Variants in SMCO3 observed in about 807,000 individuals in gnomAD.
The protein encoded by SMCO3 is single-pass membrane and coiled-coil domain-containing protein 3.
A neutral mutation model predicts 12.0 loss-of-function variants in SMCO3; 6 were observed. That is an observed-to-expected ratio of 0.50 (90% CI 0.27 to 0.99). The LOEUF is 0.99. SMCO3 is among the 50% of genes least tolerant of loss of function. The pLI is 0.11. For missense variants in SMCO3, 279 were observed against 265.0 expected (o/e 1.05, Z -0.37); for synonymous variants, 96 against 96.4 (o/e 1.00, Z 0.02).
Position 14,805,782 on chromosome 12 carries a change from A to AT in SMCO3, c.*220dup, listed in dbSNP as rs1302743733. The AT allele has an allele frequency of 5.7e-6, 3 of 525,490 alleles. No homozygotes were observed. Among genetic ancestry groups the AT allele is most frequent in the South Asian group, 6.1e-5 (2 of 32,842 alleles). The allele number at this position is 525,490 out of a possible 1,614,324, so 32.6% of individuals were successfully genotyped here. On this transcript the variant is annotated 3_prime_UTR_variant, in exon 2 of 2. Coordinates refer to ENST00000316048, the MANE Select transcript of SMCO3 (RefSeq NM_001013698.2). ...GGGTGTGAAAACATCCAGGGAGAAA[A>AT]TTTTTTTACCTCACAGGGTCTAGCA...
chr12:14,813,183 G>A (rs1950166802), intron 1 of SMCO3, among the ~76,000 whole-genome samples: 3 of 152,192 alleles, frequency 2.0e-5, no homozygotes, highest in African/African-American at 7.2e-5. Flanking sequence ...AAATAAAAAA[G>A]AAAGAAAAAG....
At chr12:14,807,769 A>T (rs1439421608) in intron 1 of SMCO3, among the ~76,000 whole-genome samples, 3 of 152,214 alleles carry the variant, frequency 2.0e-5, no homozygotes, top group Non-Finnish European at 2.9e-5. Flanking sequence ...TGCAAAGCTT[A>T]TAAATTAAAT....
At position 14,806,409 on chromosome 12, in the gene SMCO3, A is replaced by G. The variant is rs1950050737; in HGVS notation, c.272T>C (p.Leu91Pro). 1.9e-6 allele frequency: 3 copies of G among 1,614,046 alleles called. No homozygotes were observed. Among genetic ancestry groups the G allele is most frequent in the Admixed American group, 1.7e-5 (1 of 60,004 alleles). ...QKVDEALKDK[L>P]EPTLYRKLQD... ...AAGTTTTCTATAGAGGGTTGGCTCT[A>G]GCTTATCTTTTAGTGCTTCATCAAC... is the stretch of plus-strand genomic sequence containing the variant. The change falls in exon 2 of 2, where the codon CTA becomes CCA. Residue 91 changes from leucine to proline, a missense_variant. Transcript: ENST00000316048.
At chr12:14,806,849 A>G (rs551537590) in intron 1 of SMCO3, among the ~76,000 whole-genome samples, 153 bp from the exon 2 acceptor site, 1 of 152,276 alleles carries the variant, frequency 6.6e-6, no homozygotes, top group South Asian at 2.1e-4. Flanking sequence ...AGTTTTTTTA[A>G]AAGAGGGAGT....
At chr12:14,806,760 G>T in intron 1 of SMCO3, 64 bp from the exon 2 acceptor site, 1 of 1,395,840 alleles carries the variant, frequency 7.2e-7, no homozygotes, top group South Asian at 1.4e-5. Context: ...CTGTGTAGAA[G>T]GGACTAGGAA....
chr12:14,811,427 T>G (rs1950134917), intron 1 of SMCO3, among the ~76,000 whole-genome samples: 1 of 152,162 alleles, frequency 6.6e-6, no homozygotes, highest in Non-Finnish European at 1.5e-5. Context: ...AGAGTTCTGT[T>G]GCTAAAACAA....
In SMCO3 at chr12:14,806,023, C is replaced by T. The variant is rs749737279; in HGVS notation, c.658G>A (p.Val220Met). The T allele has an allele frequency of 6.2e-7, 1 of 1,610,204 alleles. No homozygotes were observed. Among genetic ancestry groups the T allele is most frequent in the Admixed American group, 1.7e-5 (1 of 59,416 alleles). ...NHAITEVINT[V>M]KHQMK Reference sequence around the variant, plus strand: ...GCTGTTCATTTCATTTGGTGTTTCACTGTATTGATGACCTCAGTAATGGCA... The same window carrying T: ...GCTGTTCATTTCATTTGGTGTTTCATTGTATTGATGACCTCAGTAATGGCA... The change falls in exon 2 of 2, where the codon GTG (valine) becomes ATG (methionine). Residue 220 changes from valine (V) to methionine (M), a missense_variant. Val to Met is a conservative substitution (Grantham distance 21). Transcript: ENST00000316048.
chr12:14,808,857 T>C (rs1383650042), intron 1 of SMCO3, among the ~76,000 whole-genome samples: 1 of 152,212 alleles, frequency 6.6e-6, no homozygotes, highest in Non-Finnish European at 1.5e-5. Flanking sequence ...AATTTCCTAA[T>C]CCAATTCCCT....
At position 14,805,890 on chromosome 12, in the gene SMCO3, A is replaced by G. The variant is rs1255731797; in HGVS notation, c.*113T>C. The G allele has an allele frequency of 9.1e-7, 1 of 1,095,774 alleles. No individual in the cohort carries two copies. The highest frequency in any genetic ancestry group is 1.3e-6 in the Non-Finnish European group (1 of 763,604). The allele number at this position is 1,095,774 out of a possible 1,614,324, so 67.9% of individuals were successfully genotyped here. ...TCCAGTTTCCCTCTCCAAATTGTTTATCTTATTTAAGTCCATATTGGAAGC... is the reference window on the plus strand; with the variant it reads ...TCCAGTTTCCCTCTCCAAATTGTTTGTCTTATTTAAGTCCATATTGGAAGC... On this transcript the variant is annotated 3_prime_UTR_variant, in exon 2 of 2. Transcript: ENST00000316048.
At chr12:14,806,790 G>A in intron 1 of SMCO3, 94 bp from the exon 2 acceptor site, 1 of 1,110,934 alleles carries the variant, frequency 9.0e-7, no homozygotes, top group East Asian at 2.4e-5. Flanking sequence ...TTCATGCATA[G>A]CAAAGAAGCA....
At chr12:14,810,801 A>G (rs1950124336) in intron 1 of SMCO3, among the ~76,000 whole-genome samples, 1 of 152,188 alleles carries the variant, frequency 6.6e-6, no homozygotes, top group Non-Finnish European at 1.5e-5. Flanking sequence ...GGCAGTGTGC[A>G]GTATTTTCGC....
intron 1 of SMCO3, among the ~76,000 whole-genome samples, chr12:14,809,828 T>C (rs1331605030): frequency 6.6e-6 from 1 of 152,134 alleles, no homozygotes; most frequent in African/African-American, 2.4e-5. Context: ...CAAAAAGCAG[T>C]GACAATCTAA....
chr12:14,807,970 A>G (rs1361847720), intron 1 of SMCO3, among the ~76,000 whole-genome samples: 1 of 152,156 alleles, frequency 6.6e-6, no homozygotes, highest in Non-Finnish European at 1.5e-5. Context: ...GTTCAAGACC[A>G]GCCTGGCCAA....
intron 1 of SMCO3, among the ~76,000 whole-genome samples, chr12:14,813,863 T>C (rs1950178376): frequency 6.6e-6 from 1 of 152,202 alleles, no homozygotes; most frequent in Admixed American, 6.5e-5. Context: ...TTGATGTCTT[T>C]ACTGCTTCTC....
chr12:14,813,310 C>T (rs80298634), intron 1 of SMCO3, among the ~76,000 whole-genome samples: 2,490 of 152,302 alleles, frequency 0.016, 67 homozygotes, highest in African/African-American at 0.056. Context: ...CCATCATGCA[C>T]AGTTTCCTTA....
Position 14,806,212 on chromosome 12 carries a change from C to T in SMCO3, c.469G>A (p.Ala157Thr), listed in dbSNP as rs1336686069. ...KLVTVLAQIG[A>T]SLLGSIGVAV... is the part of the protein sequence containing the mutation. ...ACTCCAATACTACCAAGGAGAGAAG[C>T]ACCAATTTGAGCTAACACAGTGACC... The change falls in exon 2 of 2, where the codon GCT becomes ACT. Residue 157 changes from alanine to threonine, a missense_variant. By Grantham distance (58) the Ala-to-Thr change is moderately conservative. Coordinates refer to ENST00000316048, the MANE Select transcript of SMCO3 (RefSeq NM_001013698.2). 13 of 1,614,164 alleles carry T rather than the reference C, an allele frequency of 8.1e-6. 1 individual carries two copies. Among genetic ancestry groups the T allele is most frequent in the Non-Finnish European group, 1.1e-5 (13 of 1,180,040 alleles).
In SMCO3 at chr12:14,806,072, T is replaced by C; in HGVS notation, c.609A>G (p.Lys203=). 1 of 1,614,206 alleles carries C rather than the reference T, an allele frequency of 6.2e-7. No individual in the cohort carries two copies. The highest frequency in any genetic ancestry group is 8.5e-7 in the Non-Finnish European group (1 of 1,180,046). ...KSYEKHLVEF[K]SASEKYNHAI... is the part of the protein sequence containing the mutation. ...CATGATTATATTTTTCTGAGGCTGA[T>C]TTGAACTCCACCAGATGCTTCTCAT... The change falls in exon 2 of 2, where the codon AAA becomes AAG. Residue 203 remains lysine, a synonymous_variant. Transcript: ENST00000316048.
chr12:14,809,877 A>G (rs978810530), intron 1 of SMCO3, among the ~76,000 whole-genome samples: 2 of 152,198 alleles, frequency 1.3e-5, no homozygotes, highest in East Asian at 1.9e-4. Context: ...GAGTACAAAA[A>G]ATAGTATCTA....
intron 1 of SMCO3, among the ~76,000 whole-genome samples, chr12:14,813,030 A>T (rs1485796125): frequency 6.6e-6 from 1 of 152,250 alleles, no homozygotes; most frequent in Non-Finnish European, 1.5e-5. Context: ...TTCACAAATA[A>T]TCTGGAAAGA....
Sources: allele counts gnomAD v4.1 joint callset (sites outside exome capture counted in the v4.1 genomes callset), GRCh38; gene constraint gnomAD v4.1.1; transcripts MANE v1.5; gene names NCBI Gene and HGNC (gene_info 2026-07-23, HGNC 2026-07-21).